The following MSH6 variants were observed in gnomAD, a reference collection of about 807,000 sequenced individuals.
MSH6 encodes DNA mismatch repair protein Msh6.
A neutral mutation model predicts 119.1 loss-of-function variants in MSH6; 85 were observed. The ratio of observed to expected loss-of-function variants is 0.71; its 90% CI spans 0.60 to 0.85. MSH6 has a LOEUF of 0.85. Ranked by LOEUF, MSH6 falls within the 40% of genes least tolerant of loss-of-function variation. The probability of loss-of-function intolerance (pLI) is 0.00; values close to 1 mark genes in which losing one functional copy is unlikely to be tolerated. For missense variants in MSH6, 2,163 were observed against 1,655.3 expected, an observed-to-expected ratio of 1.31 and a Z score of -5.32; for synonymous variants, 830 against 586.9, an observed-to-expected ratio of 1.41 and a Z score of -5.99.
At chr2:47,791,880 C>T (rs761868258) in intron 2 of MSH6, among the ~76,000 whole-genome samples, 6 of 150,796 alleles carry the variant, frequency 4.0e-5, no homozygotes, top group Non-Finnish European at 7.4e-5. Context: ...GAGTTTTGCT[C>T]TTTTGGCCCA....
intron 1 of MSH6, among the ~76,000 whole-genome samples, chr2:47,788,903 CTTCCTTTTTTTTTTTTTTGTTTT>C (rs1668527121): frequency 1.4e-4 from 1 of 7,288 alleles, no homozygotes; most frequent in African/African-American, 1.0e-3. Flanking sequence ...TTTCTTTCTT[CTTCCTTTTTTTTTTTTTTGTTTT>C]TTTTTTTTTT....
intron 1 of MSH6, among the ~76,000 whole-genome samples, chr2:47,788,965 G>A (rs1444997496): frequency 2.0e-5 from 2 of 100,626 alleles, no homozygotes; most frequent in Admixed American, 1.4e-4. Flanking sequence ...GGAGTCTGTC[G>A]TCCAGGCTGG....
At position 47,800,954 on chromosome 2, in the gene MSH6, C is replaced by G. The variant is rs764249869; in HGVS notation, c.2971C>G (p.Pro991Ala). Reference protein sequence around the residue: ...IPENFTTRNLPEEYELKSTKK... With the variant: ...IPENFTTRNLAEEYELKSTKK... ...TGAGAATTTCACCACTCGCAATTTG[C>G]CAGAAGAATACGAGTTGAAATCTAC... Residue 991 changes from proline (P) to alanine (A), a missense_variant, in exon 4 of 10, where the codon CCA becomes GCA. Coordinates refer to ENST00000234420, the MANE Select transcript of MSH6 (RefSeq NM_000179.3). 4 of 1,568,140 alleles carry G rather than the reference C, an allele frequency of 2.6e-6. No homozygotes were observed. The highest frequency in any genetic ancestry group is 1.7e-6 in the Non-Finnish European group (2 of 1,159,248).
In MSH6 at chr2:47,783,921, G is replaced by A. The variant is rs3136236; in HGVS notation, c.260+428G>A. 305 of 830,502 alleles carry A rather than the reference G, an allele frequency of 3.7e-4. 5 individuals are homozygous for A. The African/African-American group carries it at 5.3e-3, about 14-fold the overall frequency. 51.4% of individuals were successfully genotyped at this position (830,502 alleles called of 1,614,324 possible). A position where few individuals can be genotyped will look rare whatever the true frequency, so the allele number is the denominator to read the frequency against. ...GGCGGGGCGGGGGGCGGGGTGGCGGGAAGGAGGAATGCCTGCGGGAGGCCG... is the reference window on the plus strand; with the variant it reads ...GGCGGGGCGGGGGGCGGGGTGGCGGAAAGGAGGAATGCCTGCGGGAGGCCG... On this transcript the variant is annotated intron_variant, in intron 1 of 9. Coordinates refer to ENST00000234420, the MANE Select transcript of MSH6 (RefSeq NM_000179.3).
In MSH6 at chr2:47,800,383, T is replaced by C. The variant is rs267608071; in HGVS notation, c.2400T>C (p.Val800=). The C allele has an allele frequency of 1.1e-5, 17 of 1,614,010 alleles. No individual in the cohort carries two copies. The highest frequency in any genetic ancestry group is 1.4e-5 in the Non-Finnish European group (17 of 1,180,034). Residue 800 remains valine (V), a synonymous_variant, in exon 4 of 10, where the codon GTT becomes GTC. Transcript: ENST00000234420. Reference sequence around the variant, plus strand: ...TAGATGCCATAGAAGACCTCATGGTTGTGCCTGACAAAATCTCCGAAGTTG... The same window carrying C: ...TAGATGCCATAGAAGACCTCATGGTCGTGCCTGACAAAATCTCCGAAGTTG... ...DRLDAIEDLM[V]VPDKISEVVE...
Position 47,806,320 on chromosome 2 carries a change from GATT to G in MSH6, c.3767_3769del (p.Tyr1256del), listed in dbSNP as rs2104544843. ...AACTCACTACCATTCATTAGTAGAA[GATT>G]ATTCTCAAAATGTTGCTGTGCGCCT... is the stretch of plus-strand genomic sequence containing the variant. On this transcript the variant is annotated inframe_deletion, in exon 8 of 10. Transcript: ENST00000234420. 2 of 1,614,114 alleles carry G rather than the reference GATT, an allele frequency of 1.2e-6. No homozygotes were observed. Among genetic ancestry groups the G allele is most frequent in the African/African-American group, 1.3e-5 (1 of 75,046 alleles).
downstream of MSH6, chr2:47,807,933 T>C (rs1315185255): frequency 1.9e-5 from 11 of 577,426 alleles, no homozygotes; most frequent in Admixed American, 1.9e-4. Context: ...AGCTTTGAGA[T>C]CCTGAGTCAA....
rs587779943 is a variant in MSH6, at chr2:47,795,994, C to T, written c.558C>T (p.Asp186=). The part of the protein sequence containing the change: ...MQRADEALNK[D]KIKRLELAVC... ...GTGCAGATGAAGCCTTAAATAAAGA[C>T]AAGATTAAGAGGCTTGAATTGGCAG... Residue 186 remains aspartate (D), a synonymous_variant, in exon 3 of 10, where the codon GAC becomes GAT. Transcript: ENST00000234420. 1.2e-6 allele frequency: 2 copies of T among 1,613,918 alleles called. No homozygotes were observed. Among genetic ancestry groups the T allele is most frequent in the Non-Finnish European group, 8.5e-7 (1 of 1,180,024 alleles).
intron 3 of MSH6, among the ~76,000 whole-genome samples, chr2:47,796,818 G>T (rs1461439402): frequency 6.6e-6 from 1 of 152,078 alleles, no homozygotes; most frequent in East Asian, 1.9e-4. Context: ...AAAATTAGCT[G>T]GGCGTGGTGG....
intron 1 of MSH6, chr2:47,784,192 G>A: frequency 9.9e-7 from 1 of 1,005,442 alleles, no homozygotes; most frequent in East Asian, 7.5e-5. Flanking sequence ...ATTGGGCGGG[G>A]CGGGGCCGTG....
chr2:47,806,315 TAGA>T lies in MSH6; in HGVS notation c.3762_3764del (p.Glu1254del), dbSNP rs587779937. ...TTTTCAACTCACTACCATTCATTAG[TAGA>T]AGATTATTCTCAAAATGTTGCTGTG... On this transcript the variant is annotated inframe_deletion, in exon 8 of 10. Coordinates refer to ENST00000234420, the MANE Select transcript of MSH6 (RefSeq NM_000179.3). The T allele has an allele frequency of 1.3e-5, 21 of 1,614,156 alleles. No homozygotes were observed. The highest frequency in any genetic ancestry group is 4.0e-5 in the African/African-American group (3 of 75,060).
rs553112442 is a variant in MSH6, at chr2:47,802,174, A to G, written c.3172+1019A>G. Among the ~76,000 whole-genome samples the G allele has an allele frequency of 7.9e-4, 120 of 152,272 alleles. 1 individual carries two copies. The highest frequency in any genetic ancestry group is 2.8e-3 in the African/African-American group (115 of 41,556). On this transcript the variant is annotated intron_variant, in intron 4 of 9. Coordinates refer to ENST00000234420, the MANE Select transcript of MSH6 (RefSeq NM_000179.3). ...GAATCATTCCTTTTTTCTGTAGCCA[A>G]ATTGTCAAAGATTCTTTCCTACAAT...
rs1558661860 is a variant in MSH6 at position 47,799,469 on chromosome 2, T to G, written c.1486T>G (p.Cys496Gly). ...TETPEMMEARCRKMAHISKYD... is the reference protein window; with the variant it reads ...TETPEMMEARGRKMAHISKYD... ...GACTCCAGAAATGATGGAGGCACGATGTAGAAAGATGGCACATATATCCAA... is the reference window on the plus strand; with the variant it reads ...GACTCCAGAAATGATGGAGGCACGAGGTAGAAAGATGGCACATATATCCAA... Residue 496 changes from cysteine to glycine, a missense_variant, in exon 4 of 10, where the codon TGT becomes GGT. Coordinates refer to ENST00000234420, the MANE Select transcript of MSH6 (RefSeq NM_000179.3). The G allele has an allele frequency of 6.2e-7, 1 of 1,614,126 alleles. No individual in the cohort carries two copies. Among genetic ancestry groups the G allele is most frequent in the Admixed American group, 1.7e-5 (1 of 60,006 alleles).
chr2:47,808,827 CAGTTACTGT>C, downstream of MSH6: 1 of 261,036 alleles, frequency 3.8e-6, no homozygotes. Context: ...TGAATGACAT[CAGTTACTGT>C]AGCATTAGGT....
In MSH6 at chr2:47,804,850, CAA is replaced by C. The variant is rs751304693; in HGVS notation, c.3439-57_3439-56del. The C allele has an allele frequency of 5.6e-5, 75 of 1,331,408 alleles. No homozygotes were observed. Among genetic ancestry groups the C allele is most frequent in the African/African-American group, 1.0e-4 (7 of 69,596 alleles). 82.5% of individuals were successfully genotyped at this position (1,331,408 alleles called of 1,614,324 possible). A position where few individuals can be genotyped will look rare whatever the true frequency, so the allele number is the denominator to read the frequency against. ...CTTACGTAAGGGTTCATAAGAAAGA[CAA>C]AAGTTTATGAAACTGTTACTACCAG... On this transcript the variant is annotated intron_variant, in intron 5 of 9. Coordinates refer to ENST00000234420, the MANE Select transcript of MSH6 (RefSeq NM_000179.3).
Position 47,806,675 on chromosome 2 carries a change from T to TTATAACTAACTGACCTTAAGTTTC in MSH6, c.4001+25_4001+48dup, listed in dbSNP as rs1304619200. ...CGGTAACTAACTAACTATAATGGAA[T>TTATAACTAACTGACCTTAAGTTTC]TATAACTAACTGACCTTAAGTTTCA... On this transcript the variant is annotated intron_variant, in intron 9 of 9. Transcript: ENST00000234420. The TTATAACTAACTGACCTTAAGTTTC allele has an allele frequency of 4.4e-6, 7 of 1,598,130 alleles. No homozygotes were observed. In the South Asian group the frequency reaches 6.6e-5, roughly 15 times the overall value.
downstream of MSH6, chr2:47,809,346 C>A (rs1186568935): frequency 3.0e-5 from 27 of 888,466 alleles, no homozygotes; most frequent in Non-Finnish European, 4.5e-5. Context: ...ATTATTCTAA[C>A]AGAAGAGCCA....
intron 2 of MSH6, among the ~76,000 whole-genome samples, chr2:47,791,675 C>CT (rs575880393): frequency 0.073 from 9,608 of 132,476 alleles, 405 homozygotes; most frequent in African/African-American, 0.089. Context: ...CTCTTTCTTT[C>CT]TTTTTTTTTT....
chr2:47,803,164 C>T lies in MSH6; in HGVS notation c.3173-256C>T, dbSNP rs3136350. Among the ~76,000 whole-genome samples the T allele has an allele frequency of 2.7e-3, 406 of 152,284 alleles. 3 individuals carry two copies. Among genetic ancestry groups the T allele is most frequent in the South Asian group, 7.9e-3 (38 of 4,818 alleles). ...AACTGCTGACCTCGTGAACTCTGCC[C>T]GCCTAGGCCTCCTGAAGTGCTGGGA... is the stretch of plus-strand genomic sequence containing the variant. On this transcript the variant is annotated intron_variant, in intron 4 of 9. Transcript: ENST00000234420.
Sources: allele counts gnomAD v4.1 joint callset (sites outside exome capture counted in the v4.1 genomes callset), GRCh38; gene constraint gnomAD v4.1.1; transcripts MANE v1.5; gene names NCBI Gene and HGNC (gene_info 2026-07-23, HGNC 2026-07-21).